The following PRR5 variants were observed in gnomAD, a reference collection of about 807,000 sequenced individuals.
PRR5 encodes the protein proline-rich protein 5.
Under a neutral mutation model 30.6 loss-of-function variants are expected in PRR5, and 25 were observed. The observed-to-expected ratio is 0.82, with a 90% CI of 0.60 to 1.14. PRR5 has a LOEUF of 1.14. Ranked by LOEUF, PRR5 falls within the 50% of genes most tolerant of loss-of-function variation. The pLI is 0.00. For synonymous variants in PRR5, 286 were observed against 247.1 expected, an observed-to-expected ratio of 1.16 and a Z score of -1.48; for missense variants, 600 against 547.1, an observed-to-expected ratio of 1.10 and a Z score of -0.96.
At chr22:44,734,952 G>A (rs1602104489) in intron 6 of PRR5, 75 bp from the exon 7 acceptor site, 1 of 1,488,760 alleles carries the variant, frequency 6.7e-7, no homozygotes, top group East Asian at 2.3e-5. Context: ...CTGGTGGGTG[G>A]GACATATGGT....
chr22:44,733,015 GCACAT>G (rs1922501645), intron 6 of PRR5, among the ~76,000 whole-genome samples: 1 of 37,740 alleles, frequency 2.6e-5, no homozygotes, highest in Non-Finnish European at 1.5e-4. Flanking sequence ...CTACACACGT[GCACAT>G]GCACATACAC....
intron 3 of PRR5, among the ~76,000 whole-genome samples, chr22:44,726,371 C>T (rs1347610796): frequency 2.6e-5 from 4 of 152,244 alleles, no homozygotes; most frequent in Admixed American, 2.0e-4. Flanking sequence ...CCTCCTGTCT[C>T]GTGACAACCC....
intron 1 of PRR5, among the ~76,000 whole-genome samples, chr22:44,682,618 C>T (rs1601952496): frequency 6.6e-6 from 1 of 152,320 alleles, no homozygotes; most frequent in East Asian, 1.9e-4. Context: ...TTGAATCCGG[C>T]ACTTAGCTCA....
At chr22:44,684,525 C>T (rs572685850) in intron 1 of PRR5, among the ~76,000 whole-genome samples, 1 of 152,290 alleles carries the variant, frequency 6.6e-6, no homozygotes, top group South Asian at 2.1e-4. Context: ...CCAGCCTGGG[C>T]AACAGAGCGA....
chr22:44,684,997 G>A (rs1601956148), intron 1 of PRR5, among the ~76,000 whole-genome samples: 2 of 152,294 alleles, frequency 1.3e-5, no homozygotes, highest in South Asian at 4.1e-4. Flanking sequence ...TGGCCGCTGG[G>A]GTTACTGACC....
At chr22:44,732,650 G>A (rs1569110937) in intron 6 of PRR5, among the ~76,000 whole-genome samples, 2 of 152,154 alleles carry the variant, frequency 1.3e-5, no homozygotes, top group South Asian at 4.1e-4. Context: ...GCCTGGGGCT[G>A]TGCCCACCCC....
chr22:44,700,986 G>A (rs906899413), upstream of PRR5, among the ~76,000 whole-genome samples: 4 of 152,166 alleles, frequency 2.6e-5, no homozygotes, highest in African/African-American at 4.8e-5. Context: ...AGGTTCAAGC[G>A]ATTCTCCTGT....
At chr22:44,676,411 A>AAAAAG (rs1555894692), upstream of PRR5, among the ~76,000 whole-genome samples, 212 of 144,156 alleles carry the variant, frequency 1.5e-3, no homozygotes, top group East Asian at 3.7e-3. Flanking sequence ...AAAAAAAAAA[A>AAAAAG]AAAAGAAAGA....
chr22:44,722,650 A>G (rs1023597333), intron 2 of PRR5, among the ~76,000 whole-genome samples: 3 of 152,222 alleles, frequency 2.0e-5, no homozygotes, highest in African/African-American at 4.8e-5. Context: ...TCTGAGGACT[A>G]GATCATGCAG....
chr22:44,734,792 C>T (rs1283592904), intron 6 of PRR5: 6 of 601,862 alleles, frequency 1.0e-5, no homozygotes, highest in South Asian at 2.1e-5. Flanking sequence ...TTCCAGGGCA[C>T]ACCATGGTCT....
intron 1 of PRR5, among the ~76,000 whole-genome samples, chr22:44,704,419 C>G (rs1926863277): frequency 6.6e-6 from 1 of 152,076 alleles, no homozygotes; most frequent in African/African-American, 2.4e-5. Flanking sequence ...GGCTCTGAGT[C>G]TCAAGTGTCT....
intron 2 of PRR5, among the ~76,000 whole-genome samples, chr22:44,722,694 A>G (rs1453414835): frequency 6.6e-6 from 1 of 152,234 alleles, no homozygotes; most frequent in East Asian, 1.9e-4. Context: ...TGTTTATTGC[A>G]TCTCCACCAG....
chr22:44,729,424 G>A lies in PRR5; in HGVS notation c.323-2306G>A, dbSNP rs559083372. 1.1e-3 allele frequency: 1,133 copies of A among 985,272 alleles called. 4 individuals carry two copies. The highest frequency in any genetic ancestry group is 1.3e-3 in the Non-Finnish European group (1,089 of 829,780). The allele number at this position is 985,272 out of a possible 1,614,324, so 61.0% of individuals were successfully genotyped here. ...GCCAGCACGGAGCCAAGGCTACTGC[G>A]GGGCCGCTCGCCTGCATCAGCCCCT... On this transcript the variant is annotated intron_variant, in intron 4 of 7. Transcript: ENST00000336985.
intron 3 of PRR5, among the ~76,000 whole-genome samples, chr22:44,726,117 A>G (rs532889334): frequency 6.0e-4 from 91 of 152,246 alleles, no homozygotes; most frequent in African/African-American, 2.0e-3. Flanking sequence ...CCATGCTTTC[A>G]TTGGCGGGTG....
chr22:44,736,513 C>G (rs1923285643), intron 7 of PRR5, among the ~76,000 whole-genome samples: 1 of 152,234 alleles, frequency 6.6e-6, no homozygotes, highest in African/African-American at 2.4e-5. Flanking sequence ...ACAGAGGTCG[C>G]TGGCGGGGTG....
chr22:44,709,623 G>A (rs370053934), intron 1 of PRR5, among the ~76,000 whole-genome samples: 10 of 152,192 alleles, frequency 6.6e-5, no homozygotes, highest in African/African-American at 2.2e-4. Flanking sequence ...GAAGGCCAGC[G>A]CAGGCGGATC....
rs151245013 is a variant in PRR5 at position 44,669,212 on chromosome 22, G to A, written c.-11+407G>A. 3.9e-3 allele frequency among the ~76,000 whole-genome samples: 581 copies of A among 147,454 alleles called. 5 individuals carry two copies. The highest frequency in any genetic ancestry group is 0.014 in the African/African-American group (541 of 39,906). On this transcript the variant is annotated intron_variant, in intron 1 of 8. Transcript: ENST00000432186. ...TGTCCCCATCTCCTTCCCCGACACC[G>A]CTCTCTCCCCATGGCAGCTCTCCCC...
At chr22:44,677,916 C>T (rs771653431) in intron 1 of PRR5, among the ~76,000 whole-genome samples, 4 of 152,206 alleles carry the variant, frequency 2.6e-5, no homozygotes, top group Admixed American at 1.3e-4. Flanking sequence ...TCCTTTGCAC[C>T]GGCTCCAGTT....
intron 1 of PRR5, chr22:44,679,734 A>C: frequency 7.5e-7 from 1 of 1,338,930 alleles, no homozygotes; most frequent in Non-Finnish European, 1.0e-6. Context: ...AATAATAGTA[A>C]GACTCAGCCT....
Sources: allele counts gnomAD v4.1 joint callset (sites outside exome capture counted in the v4.1 genomes callset), GRCh38; gene constraint gnomAD v4.1.1; transcripts MANE v1.5; gene names NCBI Gene and HGNC (gene_info 2026-07-23, HGNC 2026-07-21).